The following AUTS2 variants were observed in gnomAD, a reference collection of about 807,000 sequenced individuals.
The protein encoded by AUTS2 is autism susceptibility gene 2 protein.
A neutral mutation model predicts 112.4 loss-of-function variants in AUTS2; 17 were observed. The ratio of observed to expected loss-of-function variants is 0.15; its 90% CI spans 0.10 to 0.23. AUTS2 has a LOEUF of 0.23. Ranked by LOEUF, AUTS2 falls within the 10% of genes least tolerant of loss-of-function variation. AUTS2 has a pLI of 1.00. For synonymous variants in AUTS2, 751 were observed against 702.7 expected, an observed-to-expected ratio of 1.07 and a Z score of -1.09; for missense variants, 1,510 against 1,701.6, an observed-to-expected ratio of 0.89 and a Z score of 1.98.
At chr7:70,111,133 C>T (rs1030908588) in intron 2 of AUTS2, among the ~76,000 whole-genome samples, 31 of 152,008 alleles carry the variant, frequency 2.0e-4, no homozygotes, top group Non-Finnish European at 3.5e-4. Flanking sequence ...CCCGCCTCGG[C>T]CTCCCAAAGT....
intron 5 of AUTS2, among the ~76,000 whole-genome samples, chr7:70,480,270 C>T (rs1797739808): frequency 6.6e-6 from 1 of 152,230 alleles, no homozygotes; most frequent in African/African-American, 2.4e-5. Context: ...GCCGGATTAG[C>T]ACACTGAGTT....
In AUTS2 at chr7:70,572,004, A is replaced by G. The variant is rs139120713; in HGVS notation, c.691-126565A>G. Among the ~76,000 whole-genome samples the G allele has an allele frequency of 1.4e-3, 220 of 152,326 alleles. 2 individuals are homozygous for G. Among genetic ancestry groups the G allele is most frequent in the African/African-American group, 5.2e-3 (215 of 41,566 alleles). Reference sequence around the variant, plus strand: ...ATTTCATTTATTTGCAATAAAATATATGAGAGGAACATCTGCAGGCAGCTT... The same window carrying G: ...ATTTCATTTATTTGCAATAAAATATGTGAGAGGAACATCTGCAGGCAGCTT... On this transcript the variant is annotated intron_variant, in intron 5 of 18. Transcript: ENST00000342771.
chr7:70,699,847 C>T (rs757601920), intron 6 of AUTS2, among the ~76,000 whole-genome samples: 2 of 152,160 alleles, frequency 1.3e-5, no homozygotes, highest in Non-Finnish European at 2.9e-5. Flanking sequence ...GCACAATTGT[C>T]TACCACTTGG....
intron 4 of AUTS2, among the ~76,000 whole-genome samples, chr7:70,400,210 G>C (rs1309591809): frequency 6.6e-6 from 1 of 152,224 alleles, no homozygotes; most frequent in Non-Finnish European, 1.5e-5. Flanking sequence ...GAATAGCAAT[G>C]ACTGTCTCTG....
rs1250122298 is a variant in AUTS2, at chr7:70,390,723, AAG to A, written c.661-45026_661-45025del. Among the ~76,000 whole-genome samples the A allele has an allele frequency of 7.2e-5, 11 of 152,190 alleles. No homozygotes were observed. The East Asian group carries it at 1.2e-3, about 16-fold the overall frequency. The stretch of plus-strand genomic sequence containing the variant: ...CTAAGAAGGGGCCAGCGAAGATGGG[AAG>A]AGTTAGGTAGTTCCCCCATTCTGTG... On this transcript the variant is annotated intron_variant, in intron 4 of 18. Coordinates refer to ENST00000342771, the MANE Select transcript of AUTS2 (RefSeq NM_015570.4).
chr7:70,020,826 G>A (rs1800237477), intron 2 of AUTS2, among the ~76,000 whole-genome samples: 1 of 151,958 alleles, frequency 6.6e-6, no homozygotes, highest in Non-Finnish European at 1.5e-5. Context: ...TAGGATTACT[G>A]GCTAATTTTT....
chr7:70,165,220 T>C (rs767697792), intron 4 of AUTS2, among the ~76,000 whole-genome samples: 1 of 152,136 alleles, frequency 6.6e-6, no homozygotes, highest in African/African-American at 2.4e-5. Flanking sequence ...GAAAATTTCC[T>C]GACCGCCTAA....
chr7:69,599,743 GGGGGCCGGCGCGGCCGGCGGCGGC>G lies in AUTS2; in HGVS notation c.96_119del (p.Ala34_Gly41del). ...GGGAGAGGCGCTCCCGGGGCGGGCT[GGGGGCCGGCGCGGCCGGCGGCGGC>G]GGGGCTGGCCGGACCCGGGCGCTCT... On this transcript the variant is annotated inframe_deletion, in exon 1 of 19. Transcript: ENST00000342771. The surrounding 1 kb of genome is among the most constrained non-coding windows in gnomAD (Gnocchi z 7.0). The G allele has an allele frequency of 2.2e-6, 3 of 1,350,536 alleles. 1 individual carries two copies. Among genetic ancestry groups the G allele is most frequent in the Non-Finnish European group, 9.5e-7 (1 of 1,055,904 alleles). The allele number at this position is 1,350,536 out of a possible 1,614,324, so 83.7% of individuals were successfully genotyped here.
intron 2 of AUTS2, among the ~76,000 whole-genome samples, chr7:70,039,680 T>C (rs1801161576): frequency 6.6e-6 from 1 of 152,190 alleles, no homozygotes; most frequent in Non-Finnish European, 1.5e-5. Context: ...TGGTTCTTAA[T>C]AGTAAAATTA....
intron 5 of AUTS2, among the ~76,000 whole-genome samples, chr7:70,651,212 T>C (rs1806489444): frequency 6.6e-6 from 1 of 152,230 alleles, no homozygotes; most frequent in Admixed American, 6.5e-5. Flanking sequence ...GATCATGACA[T>C]ACAAAGAAGT....
chr7:69,924,007 A>G (rs942000321), intron 2 of AUTS2, among the ~76,000 whole-genome samples: 3 of 152,046 alleles, frequency 2.0e-5, no homozygotes, highest in Non-Finnish European at 4.4e-5. Flanking sequence ...AAGACTGGAC[A>G]CTCCTGCCCT....
At chr7:69,666,219 G>A (rs1353422743) in intron 1 of AUTS2, among the ~76,000 whole-genome samples, 1 of 152,068 alleles carries the variant, frequency 6.6e-6, no homozygotes, top group Non-Finnish European at 1.5e-5. Context: ...CTAAGAATTT[G>A]GAGCGAGGAA....
intron 4 of AUTS2, among the ~76,000 whole-genome samples, chr7:70,268,122 T>A (rs1787523105): frequency 6.6e-6 from 1 of 152,198 alleles, no homozygotes; most frequent in Non-Finnish European, 1.5e-5. Context: ...CTGTGTTTCG[T>A]TACCAACTCT....
At chr7:69,683,037 G>A (rs754767996) in intron 1 of AUTS2, among the ~76,000 whole-genome samples, 21 of 152,242 alleles carry the variant, frequency 1.4e-4, no homozygotes, top group Non-Finnish European at 1.3e-4. Flanking sequence ...CAGCTCCACC[G>A]TACAGAGGGA....
At chr7:69,990,308 A>G (rs1251035494) in intron 2 of AUTS2, among the ~76,000 whole-genome samples, 3 of 152,212 alleles carry the variant, frequency 2.0e-5, no homozygotes, top group African/African-American at 7.2e-5. Flanking sequence ...GTATGTGCCC[A>G]GAGGGAAGGG....
intron 5 of AUTS2, among the ~76,000 whole-genome samples, chr7:70,461,767 G>A (rs562594785): frequency 5.9e-5 from 9 of 152,206 alleles, no homozygotes; most frequent in African/African-American, 2.2e-4. Context: ...ACCCTTCCCA[G>A]GTGAGGAGTT....
At chr7:70,708,587 TAA>T (rs201813481) in intron 6 of AUTS2, among the ~76,000 whole-genome samples, 63 of 144,142 alleles carry the variant, frequency 4.4e-4, no homozygotes, top group African/African-American at 1.5e-3. Flanking sequence ...ACTCACTAAT[TAA>T]AAAAAAAAAA....
At chr7:69,799,939 T>C (rs1219032333) in intron 1 of AUTS2, among the ~76,000 whole-genome samples, 4 of 152,148 alleles carry the variant, frequency 2.6e-5, no homozygotes, top group Non-Finnish European at 4.4e-5. Context: ...TAAATGACAT[T>C]ATTTTTCATT....
chr7:70,300,403 A>T (rs1305576786), intron 4 of AUTS2, among the ~76,000 whole-genome samples: 1 of 152,182 alleles, frequency 6.6e-6, no homozygotes, highest in African/African-American at 2.4e-5. Context: ...TTCAGTCTTA[A>T]TAAAGTATTG....
Sources: gnomAD v4.1 joint callset for allele counts (sites outside exome capture counted in the v4.1 genomes callset) on GRCh38, gnomAD v4.1.1 for gene constraint, Gnocchi (gnomAD v3.1) non-coding constraint, MANE v1.5 for transcripts, NCBI Gene and HGNC (gene_info 2026-07-23, HGNC 2026-07-21) for gene names.